XPNPEP1: variants seen among roughly 807,000 people sequenced by gnomAD.
XPNPEP1 encodes X-prolyl aminopeptidase 1, also known as xaa-Pro aminopeptidase 1.
A neutral mutation model predicts 92.4 loss-of-function variants in XPNPEP1; 39 were observed. That is an observed-to-expected ratio of 0.42 (90% CI 0.33 to 0.55). The LOEUF (loss-of-function observed/expected upper bound fraction) is 0.55. XPNPEP1 is among the 20% of genes least tolerant of loss of function. The pLI is 0.08. For synonymous variants in XPNPEP1, 307 were observed against 299.4 expected (o/e 1.03, Z -0.26); for missense variants, 654 against 856.1 (o/e 0.76, Z 2.95).
intron 3 of XPNPEP1, among the ~76,000 whole-genome samples, chr10:109,905,279 G>A (rs894383043): frequency 3.9e-5 from 6 of 152,138 alleles, no homozygotes; most frequent in East Asian, 1.9e-4. Flanking sequence ...AATCTCGGCC[G>A]GCTCACTGTA....
At chr10:109,873,465 T>A (rs115317517) in intron 15 of XPNPEP1, 38 bp from the exon 16 acceptor site, 53 of 1,613,504 alleles carry the variant, frequency 3.3e-5, no homozygotes, top group Non-Finnish European at 4.2e-5. Flanking sequence ...CCCGTCAAAA[T>A]AAGCTTTAAG....
At chr10:109,912,448 G>A (rs896161335) in intron 2 of XPNPEP1, among the ~76,000 whole-genome samples, 3 of 152,208 alleles carry the variant, frequency 2.0e-5, no homozygotes, top group Admixed American at 6.5e-5. Context: ...AGTGGGCCCT[G>A]GTGGTTGAGG....
At chr10:109,879,173 C>T (rs565107335) in intron 12 of XPNPEP1, among the ~76,000 whole-genome samples, 47 of 151,824 alleles carry the variant, frequency 3.1e-4, no homozygotes, top group African/African-American at 1.1e-3. Context: ...ACCCAGGAGA[C>T]GGAGCTTGCA....
intron 10 of XPNPEP1, among the ~76,000 whole-genome samples, chr10:109,881,271 C>T (rs1848078238): frequency 6.6e-6 from 1 of 152,196 alleles, no homozygotes; most frequent in East Asian, 1.9e-4. Context: ...ACACTGAAAG[C>T]TTGACCGAAA....
At chr10:109,903,314 A>G (rs1849385146) in intron 3 of XPNPEP1, among the ~76,000 whole-genome samples, 1 of 152,228 alleles carries the variant, frequency 6.6e-6, no homozygotes, top group Non-Finnish European at 1.5e-5. Context: ...CACAAATAGT[A>G]GAGCTATTAG....
chr10:109,898,082 G>A (rs976066694), intron 3 of XPNPEP1, among the ~76,000 whole-genome samples: 5 of 152,192 alleles, frequency 3.3e-5, no homozygotes, highest in Non-Finnish European at 7.3e-5. Flanking sequence ...GGAATACGAG[G>A]TGTATGCTGC....
At chr10:109,884,297 G>A (rs986306254) in intron 8 of XPNPEP1, 149 bp from the exon 9 acceptor site, 68 of 696,836 alleles carry the variant, frequency 9.8e-5, no homozygotes, top group Non-Finnish European at 1.5e-4. Context: ...CCTGACTCCC[G>A]TCTGGTTCCA....
At position 109,870,949 on chromosome 10, in the gene XPNPEP1, TAG is replaced by T. The variant is rs3832659; in HGVS notation, c.1523-47_1523-46del. 10,592 of 1,572,910 alleles carry T rather than the reference TAG, an allele frequency of 6.7e-3. 408 individuals are homozygous for T. The East Asian group carries it at 0.085, about 13-fold the overall frequency. On this transcript the variant is annotated intron_variant, in intron 17 of 20. Transcript: ENST00000502935. ...ACTTAATTGTATTTGTACAGCGCTT[TAG>T]AGATTAAATTTATTATGTGTGGCTC... is the stretch of plus-strand genomic sequence containing the variant.
chr10:109,906,626 C>T (rs1849573756), intron 3 of XPNPEP1, among the ~76,000 whole-genome samples: 1 of 152,172 alleles, frequency 6.6e-6, no homozygotes. Flanking sequence ...AAGGCAGTTT[C>T]TATTACCTGC....
chr10:109,911,597 GAATA>G (rs1849876879), intron 2 of XPNPEP1, among the ~76,000 whole-genome samples: 3 of 152,178 alleles, frequency 2.0e-5, no homozygotes, highest in African/African-American at 7.2e-5. Context: ...AGGAGCTTCA[GAATA>G]GATTTATTGT....
In XPNPEP1 at chr10:109,864,958, A is replaced by G; in HGVS notation, c.*226T>C. The G allele has an allele frequency of 1.6e-6, 1 of 625,870 alleles. No individual in the cohort carries two copies. The highest frequency in any genetic ancestry group is 2.6e-6 in the Non-Finnish European group (1 of 390,778). The allele number at this position is 625,870 out of a possible 1,614,324, so 38.8% of individuals were successfully genotyped here. A position where few individuals can be genotyped will look rare whatever the true frequency, so the allele number is the denominator to read the frequency against. ...TTTGGAGGGACCCTCCTTCTGGTGC[A>G]GCAATTTTATTCTTGGCTTGTTCTC... On this transcript the variant is annotated 3_prime_UTR_variant, in exon 21 of 21. Coordinates refer to ENST00000502935, the MANE Select transcript of XPNPEP1 (RefSeq NM_020383.4).
At chr10:109,869,047 G>A (rs1269012679) in intron 19 of XPNPEP1, among the ~76,000 whole-genome samples, 3 of 152,192 alleles carry the variant, frequency 2.0e-5, no homozygotes, top group Non-Finnish European at 2.9e-5. Context: ...CTCTGGTTTT[G>A]GTTCTCCAGG....
chr10:109,893,282 TC>T (rs1848803375), intron 3 of XPNPEP1: 1 of 488,522 alleles, frequency 2.0e-6, no homozygotes, highest in Non-Finnish European at 3.6e-6. Context: ...AGAGAGCTGT[TC>T]CCTTTAGCCT....
intron 1 of XPNPEP1, among the ~76,000 whole-genome samples, chr10:109,916,754 T>C (rs1850214601): frequency 6.6e-6 from 1 of 152,176 alleles, no homozygotes. Context: ...AAACGGAATC[T>C]AGAACAATAT....
rs1490441191 is a variant in XPNPEP1, at chr10:109,865,127, C to T, written c.*57G>A. 76 of 1,606,324 alleles carry T rather than the reference C, an allele frequency of 4.7e-5. No individual in the cohort carries two copies. Among genetic ancestry groups the T allele is most frequent in the Admixed American group, 3.3e-4 (20 of 59,838 alleles). ...AAAGGGGAAAGATGTCAGGGATCTG[C>T]CACGTTTCTTCCTTCCTCCAGAGCA... On this transcript the variant is annotated 3_prime_UTR_variant, in exon 21 of 21. Transcript: ENST00000502935.
At chr10:109,880,998 C>T (rs1004370355) in intron 10 of XPNPEP1, 67 bp from the exon 11 acceptor site, 2 of 1,462,826 alleles carry the variant, frequency 1.4e-6, no homozygotes, top group East Asian at 2.3e-5. Flanking sequence ...AAGGCAACAA[C>T]CTTTTTGCTC....
chr10:109,880,980 C>G lies in XPNPEP1; in HGVS notation c.1042-49G>C. 6 of 1,557,592 alleles carry G rather than the reference C, an allele frequency of 3.9e-6. No homozygotes were observed. The South Asian group carries it at 6.8e-5, about 18-fold the overall frequency. Reference sequence around the variant, plus strand: ...GGGAAATCAAACCGGCTCCACCCACCCAAGACCAAGGCAACAACCTTTTTG... The same window carrying G: ...GGGAAATCAAACCGGCTCCACCCACGCAAGACCAAGGCAACAACCTTTTTG... On this transcript the variant is annotated intron_variant, in intron 10 of 20. Transcript: ENST00000502935.
chr10:109,876,919 A>G (rs1026104158), intron 14 of XPNPEP1: 1 of 152,262 alleles, frequency 6.6e-6, no homozygotes, highest in African/African-American at 2.4e-5. Context: ...TCTGTCTCAC[A>G]AGGAAGGGAG....
At chr10:109,904,906 T>A (rs530672707) in intron 3 of XPNPEP1, among the ~76,000 whole-genome samples, 1 of 152,318 alleles carries the variant, frequency 6.6e-6, no homozygotes, top group South Asian at 2.1e-4. Flanking sequence ...ATCTCACTTG[T>A]GGGCATATAT....
Sources: gnomAD v4.1 joint callset for allele counts (sites outside exome capture counted in the v4.1 genomes callset) on GRCh38, gnomAD v4.1.1 for gene constraint, MANE v1.5 for transcripts, NCBI Gene and HGNC (gene_info 2026-07-23, HGNC 2026-07-21) for gene names.